The following SHC3 variants were observed in gnomAD, a reference collection of about 807,000 sequenced individuals.
SHC3 encodes SHC-transforming protein 3.
A neutral mutation model predicts 60.4 loss-of-function variants in SHC3; 15 were observed. That is an observed-to-expected ratio of 0.25 (90% confidence interval 0.17 to 0.38). The LOEUF (loss-of-function observed/expected upper bound fraction) is 0.38. Among genes scored for constraint, SHC3 ranks in the 10% least tolerant of loss-of-function variants. SHC3 has a pLI of 1.00. For synonymous variants in SHC3, 294 were observed against 325.9 expected (o/e 0.90, Z 1.05); for missense variants, 677 against 786.1 (o/e 0.86, Z 1.66).
intron 6 of SHC3, 87 bp downstream of exon 6, chr9:89,065,442 G>C (rs534844807): frequency 7.4e-7 from 1 of 1,348,266 alleles, no homozygotes; most frequent in Non-Finnish European, 1.1e-6. Flanking sequence ...TGTTGGGAGG[G>C]GGCTGAGATA....
chr9:89,124,900 T>G (rs117907413), intron 1 of SHC3, among the ~76,000 whole-genome samples: 2,087 of 152,102 alleles, frequency 0.014, 20 homozygotes, highest in Middle Eastern at 0.034. Flanking sequence ...AATATCTCCC[T>G]CATCACTCAA....
At chr9:89,036,517 C>T (rs945315075) in intron 11 of SHC3, among the ~76,000 whole-genome samples, 4 of 152,142 alleles carry the variant, frequency 2.6e-5, no homozygotes, top group African/African-American at 9.7e-5. Flanking sequence ...TCCCCGGGTA[C>T]AGAGAAAAAC....
At chr9:89,165,692 G>A (rs1403522979) in intron 1 of SHC3, among the ~76,000 whole-genome samples, 1 of 152,166 alleles carries the variant, frequency 6.6e-6, no homozygotes, top group African/African-American at 2.4e-5. Context: ...CTCAGATTTG[G>A]GGAGAGGATG....
intron 11 of SHC3, among the ~76,000 whole-genome samples, chr9:89,026,293 C>T (rs1007722789): frequency 6.8e-6 from 1 of 147,466 alleles, no homozygotes; most frequent in African/African-American, 2.5e-5. Flanking sequence ...GAAAAAGAAA[C>T]ATCTACAGTC....
intron 9 of SHC3, 150 bp from the exon 10 acceptor site, chr9:89,042,334 C>T: frequency 1.2e-6 from 1 of 816,626 alleles, no homozygotes; most frequent in Non-Finnish European, 1.8e-6. Flanking sequence ...GAGCTTGTCA[C>T]CACACACTGC....
chr9:89,140,462 A>G (rs1013645234), intron 1 of SHC3, among the ~76,000 whole-genome samples: 1 of 152,076 alleles, frequency 6.6e-6, no homozygotes, highest in African/African-American at 2.4e-5. Flanking sequence ...GCGCATCTCC[A>G]TACTTCCTAG....
At chr9:89,025,264 T>C (rs557223808) in intron 11 of SHC3, among the ~76,000 whole-genome samples, 29 of 152,206 alleles carry the variant, frequency 1.9e-4, no homozygotes, top group African/African-American at 6.3e-4. Flanking sequence ...TTGCCCACTT[T>C]CTCACTTCTG....
At chr9:89,164,247 G>C (rs1826752551) in intron 1 of SHC3, among the ~76,000 whole-genome samples, 3 of 152,136 alleles carry the variant, frequency 2.0e-5, no homozygotes, top group African/African-American at 7.2e-5. Flanking sequence ...CACTTCATAT[G>C]GATTGACTTG....
intron 1 of SHC3, among the ~76,000 whole-genome samples, chr9:89,171,600 G>A (rs1042088388): frequency 1.3e-5 from 2 of 152,240 alleles, no homozygotes; most frequent in Non-Finnish European, 2.9e-5. Flanking sequence ...ATGGCTTCAA[G>A]TCTGAAGTAA....
intron 11 of SHC3, among the ~76,000 whole-genome samples, chr9:89,033,072 A>G (rs1191480942): frequency 2.0e-5 from 3 of 148,412 alleles, no homozygotes; most frequent in Non-Finnish European, 4.5e-5. Context: ...TTTTCTCAAC[A>G]GTACTACAAG....
At chr9:89,053,075 C>T (rs538520506) in intron 6 of SHC3, among the ~76,000 whole-genome samples, 2 of 152,190 alleles carry the variant, frequency 1.3e-5, no homozygotes, top group South Asian at 2.1e-4. Flanking sequence ...CCACTTCCAC[C>T]GTGCCCTACC....
chr9:89,081,610 C>T (rs989870984), intron 2 of SHC3, among the ~76,000 whole-genome samples: 1 of 152,052 alleles, frequency 6.6e-6, no homozygotes, highest in Non-Finnish European at 1.5e-5. Context: ...TAAGAATATC[C>T]CACCCCCCTA....
At chr9:89,113,683 A>T (rs1301477744) in intron 1 of SHC3, among the ~76,000 whole-genome samples, 1 of 152,120 alleles carries the variant, frequency 6.6e-6, no homozygotes, top group Non-Finnish European at 1.5e-5. Flanking sequence ...ACCACAACAA[A>T]CTTTGCAGAC....
intron 1 of SHC3, among the ~76,000 whole-genome samples, chr9:89,155,921 T>TG (rs1179082681): frequency 6.6e-6 from 1 of 152,242 alleles, no homozygotes; most frequent in Non-Finnish European, 1.5e-5. Context: ...TCAATGGGAC[T>TG]GATTCTTACT....
At chr9:89,084,903 T>A (rs1020710571) in intron 2 of SHC3, among the ~76,000 whole-genome samples, 1 of 152,228 alleles carries the variant, frequency 6.6e-6, no homozygotes, top group Non-Finnish European at 1.5e-5. Context: ...GGGGCTGGAC[T>A]GGGTTGGATG....
chr9:89,167,970 G>C (rs1198049519), intron 1 of SHC3, among the ~76,000 whole-genome samples: 1 of 152,140 alleles, frequency 6.6e-6, no homozygotes, highest in East Asian at 1.9e-4. Flanking sequence ...GTGATTCCAG[G>C]GGCAGGCGGC....
intron 6 of SHC3, among the ~76,000 whole-genome samples, chr9:89,059,848 T>A (rs1825051029): frequency 9.8e-6 from 1 of 101,542 alleles, no homozygotes; most frequent in Non-Finnish European, 2.2e-5. Context: ...TAGGATGTGG[T>A]GGAGGATGGT....
At chr9:89,069,717 G>A (rs1587709088) in intron 5 of SHC3, among the ~76,000 whole-genome samples, 1 of 152,266 alleles carries the variant, frequency 6.6e-6, no homozygotes, top group African/African-American at 2.4e-5. Context: ...GCTGGCCCAG[G>A]CAGGAGTGAT....
intron 11 of SHC3, among the ~76,000 whole-genome samples, chr9:89,014,398 A>C (rs370751429): frequency 2.6e-5 from 4 of 152,076 alleles, no homozygotes; most frequent in African/African-American, 4.8e-5. Flanking sequence ...TTTTTCGAGG[A>C]GGTCTGGACA....
Sources: gnomAD v4.1 joint callset for allele counts (sites outside exome capture counted in the v4.1 genomes callset) on GRCh38, gnomAD v4.1.1 for gene constraint, MANE v1.5 for transcripts, NCBI Gene and HGNC (gene_info 2026-07-23, HGNC 2026-07-21) for gene names.